ZFC3H1: variants seen among roughly 807,000 people sequenced by gnomAD.
ZFC3H1 encodes the protein zinc finger C3H1-type containing.
In ZFC3H1, 71 loss-of-function variants were observed where a neutral mutation model predicts 243.7. The ratio of observed to expected loss-of-function variants is 0.29; its 90% CI spans 0.24 to 0.36. ZFC3H1 has a LOEUF of 0.36. Ranked by LOEUF, ZFC3H1 falls within the 10% of genes least tolerant of loss-of-function variation. The probability of loss-of-function intolerance (pLI) is 1.00; values close to 1 mark genes in which losing one functional copy is unlikely to be tolerated. For missense variants in ZFC3H1, 1,966 were observed against 2,317.1 expected, an observed-to-expected ratio of 0.85 and a Z score of 3.11; for synonymous variants, 838 against 813.0, an observed-to-expected ratio of 1.03 and a Z score of -0.52.
Position 71,632,025 on chromosome 12 carries a change from G to C in ZFC3H1, c.3307C>G (p.Gln1103Glu). 1 of 1,607,700 alleles carries C rather than the reference G, an allele frequency of 6.2e-7. No individual in the cohort carries two copies. Among genetic ancestry groups the C allele is most frequent in the Non-Finnish European group, 8.5e-7 (1 of 1,177,940 alleles). Residue 1103 changes from glutamine to glutamate, a missense_variant, in exon 15 of 35, where the codon CAG (glutamine) becomes GAG (glutamate). Gln to Glu is a conservative substitution (Grantham distance 29). Coordinates refer to ENST00000378743, the MANE Select transcript of ZFC3H1 (RefSeq NM_144982.5). Reference sequence around the variant, plus strand: ...CCTGTGGTGGTTTTTAAAATCAGCTGTTTTAGGCTGTCAGCTTTTGAATAC... The same window carrying C: ...CCTGTGGTGGTTTTTAAAATCAGCTCTTTTAGGCTGTCAGCTTTTGAATAC... ...KLYSKADSLK[Q>E]LILKTTTGIT...
intron 1 of ZFC3H1, among the ~76,000 whole-genome samples, chr12:71,659,743 T>TA (rs1488292109): frequency 6.6e-6 from 1 of 152,208 alleles, no homozygotes; most frequent in Admixed American, 6.5e-5. Context: ...AACCAACACT[T>TA]ACCAGATTTA....
chr12:71,628,829 C>A, intron 20 of ZFC3H1, 89 bp downstream of exon 20: 1 of 1,416,824 alleles, frequency 7.1e-7, no homozygotes, highest in Non-Finnish European at 9.3e-7. Context: ...ACCAGGCAGG[C>A]TGATACACCA....
chr12:71,621,905 C>T (rs1456096220), intron 24 of ZFC3H1, among the ~76,000 whole-genome samples: 1 of 152,022 alleles, frequency 6.6e-6, no homozygotes, highest in East Asian at 1.9e-4. Flanking sequence ...TTACTGCCAT[C>T]AGCTTCTGGT....
intron 19 of ZFC3H1, 39 bp from the exon 20 acceptor site, chr12:71,629,076 A>G: frequency 3.3e-6 from 5 of 1,514,152 alleles, no homozygotes; most frequent in Non-Finnish European, 3.6e-6. Flanking sequence ...TGATATAACT[A>G]GTTTTTTTTT....
chr12:71,630,807 C>G lies in ZFC3H1; in HGVS notation c.3602+16G>C. 6.2e-7 allele frequency: 1 copy of G among 1,609,942 alleles called. No homozygotes were observed. The highest frequency in any genetic ancestry group is 1.1e-5 in the South Asian group (1 of 90,692). ...ACCATTTTTCAAATTACAAAATGTTCACAAAAACTACTCACCATTGACAAT... is the reference window on the plus strand; with the variant it reads ...ACCATTTTTCAAATTACAAAATGTTGACAAAAACTACTCACCATTGACAAT... On this transcript the variant is annotated intron_variant, in intron 17 of 34. Coordinates refer to ENST00000378743, the MANE Select transcript of ZFC3H1 (RefSeq NM_144982.5).
At chr12:71,661,896 C>G (rs890064642) in intron 1 of ZFC3H1, among the ~76,000 whole-genome samples, 1 of 152,214 alleles carries the variant, frequency 6.6e-6, no homozygotes, top group African/African-American at 2.4e-5. Flanking sequence ...CCTAAATGTA[C>G]ATTCCTTGCC....
Position 71,630,876 on chromosome 12 carries a change from C to A in ZFC3H1, c.3549G>T (p.Gln1183His). 1 of 1,613,478 alleles carries A rather than the reference C, an allele frequency of 6.2e-7. No homozygotes were observed. Among genetic ancestry groups the A allele is most frequent in the Non-Finnish European group, 8.5e-7 (1 of 1,179,630 alleles). ...CTGTTAAATCAAAACGGCAGAAACA[C>A]TGATCCGGTTCAATCATATTACTGT... ...VSYSNMIEPD[Q>H]CFCRFDLTGT... The change falls in exon 17 of 35, where the codon CAG becomes CAT. Residue 1183 changes from glutamine (Q) to histidine (H), a missense_variant. By Grantham distance (24) the Gln-to-His change is conservative (BLOSUM62 0). Coordinates refer to ENST00000378743, the MANE Select transcript of ZFC3H1 (RefSeq NM_144982.5).
chr12:71,627,774 G>A lies in ZFC3H1; in HGVS notation c.4107C>T (p.Tyr1369=). 6.8e-6 allele frequency: 11 copies of A among 1,612,654 alleles called. No individual in the cohort carries two copies. Among genetic ancestry groups the A allele is most frequent in the Non-Finnish European group, 9.3e-6 (11 of 1,179,488 alleles). Residue 1369 remains tyrosine (Y), a synonymous_variant, in exon 21 of 35, where the codon TAC becomes TAT. Coordinates refer to ENST00000378743, the MANE Select transcript of ZFC3H1 (RefSeq NM_144982.5). ...ACCCCTCATTTTGATTCAAGTACTT[G>A]TACGCAAGCTTGAGCCAAAGTTGTA... ...SHVQLWLKLA[Y]KYLNQNEGEC...
Position 71,617,543 on chromosome 12 carries a change from A to G in ZFC3H1, c.5144+1772T>C, listed in dbSNP as rs76175263. Among the ~76,000 whole-genome samples, 682 of 152,350 alleles carry G rather than the reference A, an allele frequency of 4.5e-3. 6 individuals are homozygous for G. Among genetic ancestry groups the G allele is most frequent in the African/African-American group, 0.016 (656 of 41,580 alleles). ...CAAGAAGATCTGAAGATCTTTCATT[A>G]GTTACCAAGGCAGAAATTGGTAGCA... On this transcript the variant is annotated intron_variant, in intron 27 of 34. Coordinates refer to ENST00000378743, the MANE Select transcript of ZFC3H1 (RefSeq NM_144982.5).
chr12:71,614,663 T>C lies in ZFC3H1; in HGVS notation c.5398A>G (p.Arg1800Gly). The change falls in exon 30 of 35, where the codon AGA becomes GGA. Residue 1800 changes from arginine to glycine, a missense_variant. Physicochemically the swap from Arg to Gly is moderately radical, Grantham distance 125. This residue lies in a region of ZFC3H1 where 1,383 missense variants were observed against 1,723.7 expected (regional missense o/e 0.80). Coordinates refer to ENST00000378743, the MANE Select transcript of ZFC3H1 (RefSeq NM_144982.5). ...AATTTGAATTCTTGAACTTTGTTTC[T>C]GGATCCAGCAGCTCTATTATTTGCA... ...VFANNRAAGS[R>G]NKVQEFKFFT... 6.2e-7 allele frequency: 1 copy of C among 1,611,500 alleles called. No homozygotes were observed. The highest frequency in any genetic ancestry group is 8.5e-7 in the Non-Finnish European group (1 of 1,179,164).
chr12:71,627,843 G>A lies in ZFC3H1; in HGVS notation c.4038C>T (p.Asp1346=). ...GCACACTTGCTTCTAAATTAGCGAT[G>A]TCATCAGTCTCATTTGTAAAGTATC... ...DVRYFTNETD[D]IANLEASVLE... The change falls in exon 21 of 35, where the codon GAC becomes GAT. Residue 1346 remains aspartate, a synonymous_variant. Coordinates refer to ENST00000378743, the MANE Select transcript of ZFC3H1 (RefSeq NM_144982.5). 1 of 1,613,874 alleles carries A rather than the reference G, an allele frequency of 6.2e-7. No individual in the cohort carries two copies. Among genetic ancestry groups the A allele is most frequent in the East Asian group, 2.2e-5 (1 of 44,830 alleles).
intron 1 of ZFC3H1, among the ~76,000 whole-genome samples, chr12:71,660,622 AC>A (rs1881142810): frequency 6.6e-6 from 1 of 152,188 alleles, no homozygotes; most frequent in Non-Finnish European, 1.5e-5. Flanking sequence ...TTGAATAAAC[AC>A]GCAGAAAGAG....
At chr12:71,635,297 G>T in intron 10 of ZFC3H1, 146 bp downstream of exon 10, 1 of 1,023,022 alleles carries the variant, frequency 9.8e-7, no homozygotes, top group Non-Finnish European at 1.3e-6. Flanking sequence ...ATTATATAAA[G>T]TCCTAATAGC....
intron 7 of ZFC3H1, among the ~76,000 whole-genome samples, chr12:71,637,687 A>G (rs773854570): frequency 3.3e-5 from 5 of 152,196 alleles, no homozygotes; most frequent in Admixed American, 6.5e-5. Context: ...AAACATTACA[A>G]CGAAGAAAGT....
chr12:71,642,644 G>A, intron 5 of ZFC3H1, 85 bp from the exon 6 acceptor site: 1 of 1,452,532 alleles, frequency 6.9e-7, no homozygotes, highest in Non-Finnish European at 9.2e-7. Context: ...ATCTTCTATG[G>A]AAGAGTATCA....
chr12:71,610,371 T>C lies in ZFC3H1; in HGVS notation c.*57A>G. The C allele has an allele frequency of 1.3e-6, 2 of 1,576,792 alleles. No homozygotes were observed. Among genetic ancestry groups the C allele is most frequent in the Non-Finnish European group, 1.7e-6 (2 of 1,160,032 alleles). ...CAGGGATCAGCCTAATCTTGAAGAA[T>C]CATTCAAATAATTTTGGCAATTATT... On this transcript the variant is annotated 3_prime_UTR_variant, in exon 35 of 35. Transcript: ENST00000378743.
chr12:71,662,897 CAG>C (rs1258032146), intron 1 of ZFC3H1, 114 bp downstream of exon 1: 3 of 1,042,252 alleles, frequency 2.9e-6, no homozygotes, highest in East Asian at 2.4e-5. Context: ...TATACTGACA[CAG>C]GGAGAAATAA....
chr12:71,616,767 C>A (rs192290721), intron 27 of ZFC3H1, among the ~76,000 whole-genome samples: 1 of 152,018 alleles, frequency 6.6e-6, no homozygotes, highest in Non-Finnish European at 1.5e-5. Context: ...GGGGCAAACA[C>A]AAGAAAGAGA....
intron 21 of ZFC3H1, among the ~76,000 whole-genome samples, chr12:71,627,438 T>A (rs1274146256): frequency 1.3e-5 from 2 of 152,116 alleles, no homozygotes; most frequent in East Asian, 1.9e-4. Context: ...ATGATTTTTT[T>A]AAAAAACAAT....
Sources: allele counts gnomAD v4.1 joint callset (sites outside exome capture counted in the v4.1 genomes callset), GRCh38; gene constraint gnomAD v4.1.1; regional missense constraint gnomAD v4.1.1; transcripts MANE v1.5; gene names NCBI Gene and HGNC (gene_info 2026-07-23, HGNC 2026-07-21).